COL19A1: variants seen among roughly 807,000 people sequenced by gnomAD.
COL19A1 encodes the protein collagen type XIX alpha 1 chain.
In COL19A1, 159 loss-of-function variants were observed where a neutral mutation model predicts 190.2. The ratio of observed to expected loss-of-function variants is 0.84; its 90% CI spans 0.73 to 0.95. The LOEUF is 0.95. COL19A1 is among the 40% of genes least tolerant of loss of function. COL19A1 has a pLI of 0.00. For missense variants in COL19A1, 1,418 were observed against 1,431.9 expected, an observed-to-expected ratio of 0.99 and a Z score of 0.16; for synonymous variants, 509 against 458.9, an observed-to-expected ratio of 1.11 and a Z score of -1.39.
rs1767452387 is a variant in COL19A1 at position 69,866,585 on chromosome 6, CCGCAGCCCTGTCCGGACTCCACTG to C, written c.-84_-61del. ...GCAGGGAGCTCACTCCTCGGCGGTG[CCGCAGCCCTGTCCGGACTCCACTG>C]CGCCTCTGAGGGGCTCAAATACGAA... On this transcript the variant is annotated 5_prime_UTR_variant, in exon 1 of 51. Transcript: ENST00000620364. 6.6e-6 allele frequency: 1 copy of C among 152,388 alleles called. No homozygotes were observed. The highest frequency in any genetic ancestry group is 1.5e-5 in the Non-Finnish European group (1 of 68,192). The allele number at this position is 152,388 out of a possible 1,614,324, so 9.4% of individuals were successfully genotyped here.
At chr6:70,103,790 C>T (rs572610008) in intron 16 of COL19A1, among the ~76,000 whole-genome samples, 1 of 152,284 alleles carries the variant, frequency 6.6e-6, no homozygotes, top group Admixed American at 6.5e-5. Flanking sequence ...TTACTTTGGA[C>T]TCTTATTTTC....
chr6:70,027,880 A>G (rs1236290000), intron 12 of COL19A1, among the ~76,000 whole-genome samples: 1 of 152,156 alleles, frequency 6.6e-6, no homozygotes, highest in Non-Finnish European at 1.5e-5. Flanking sequence ...TTAAAGCCAG[A>G]CTATCTGGGT....
intron 15 of COL19A1, among the ~76,000 whole-genome samples, chr6:70,077,543 T>A (rs1781950492): frequency 6.6e-6 from 1 of 152,158 alleles, no homozygotes; most frequent in African/African-American, 2.4e-5. Flanking sequence ...TATACATATA[T>A]GTATGTACAT....
chr6:70,109,980 C>T (rs541299193), intron 16 of COL19A1, among the ~76,000 whole-genome samples: 9 of 152,284 alleles, frequency 5.9e-5, no homozygotes, highest in African/African-American at 1.7e-4. Flanking sequence ...CCTTATCCAT[C>T]GCTGTTCTCA....
At chr6:70,024,626 T>G (rs1778632151) in intron 12 of COL19A1, among the ~76,000 whole-genome samples, 1 of 150,776 alleles carries the variant, frequency 6.6e-6, no homozygotes, top group Non-Finnish European at 1.5e-5. Flanking sequence ...GGTGTGTGGG[T>G]GTGTGTGTGT....
chr6:70,001,538 A>G (rs1472650896), intron 11 of COL19A1, among the ~76,000 whole-genome samples: 1 of 151,982 alleles, frequency 6.6e-6, no homozygotes, highest in Non-Finnish European at 1.5e-5. Flanking sequence ...GTTGTCTCTT[A>G]TTTCCTTAAG....
chr6:70,000,409 G>A (rs949067987), intron 11 of COL19A1, among the ~76,000 whole-genome samples: 1 of 152,118 alleles, frequency 6.6e-6, no homozygotes. Context: ...GGGTCAAGTG[G>A]TATTTCTTGT....
At chr6:70,118,031 G>C (rs553302118) in intron 16 of COL19A1, among the ~76,000 whole-genome samples, 2 of 151,306 alleles carry the variant, frequency 1.3e-5, no homozygotes, top group East Asian at 2.0e-4. Context: ...TCAGAGAAAG[G>C]GTTCTGTCAA....
At chr6:70,085,507 A>G (rs1315300881) in intron 15 of COL19A1, among the ~76,000 whole-genome samples, 1 of 152,180 alleles carries the variant, frequency 6.6e-6, no homozygotes, top group Non-Finnish European at 1.5e-5. Flanking sequence ...TTCTAATGAT[A>G]TTCTAGAACA....
intron 14 of COL19A1, among the ~76,000 whole-genome samples, chr6:70,044,420 C>T (rs778128035): frequency 2.0e-5 from 3 of 152,146 alleles, no homozygotes; most frequent in African/African-American, 7.2e-5. Flanking sequence ...ATTCACAACT[C>T]GGCTGTTTGG....
chr6:69,904,207 G>T (rs1445823798), intron 4 of COL19A1, among the ~76,000 whole-genome samples: 1 of 152,184 alleles, frequency 6.6e-6, no homozygotes, highest in African/African-American at 2.4e-5. Flanking sequence ...CAAATGGTCT[G>T]CTCTATACCC....
chr6:69,921,337 T>C (rs1333197909), intron 4 of COL19A1, among the ~76,000 whole-genome samples: 3 of 109,036 alleles, frequency 2.8e-5, no homozygotes, highest in African/African-American at 1.1e-4. Flanking sequence ...ATCATATATC[T>C]ATATATATCA....
chr6:70,097,119 T>C (rs561407320), intron 15 of COL19A1, among the ~76,000 whole-genome samples: 94 of 152,288 alleles, frequency 6.2e-4, no homozygotes, highest in African/African-American at 1.4e-3. Flanking sequence ...CTTCCCTTTT[T>C]AGTACTCCTA....
rs199891106 is a variant in COL19A1, at chr6:69,952,334, C to T, written c.937-7662C>T. Among the ~76,000 whole-genome samples the T allele has an allele frequency of 4.6e-5, 7 of 151,918 alleles. No homozygotes were observed. In the East Asian group the frequency reaches 5.8e-4, roughly 13 times the overall value. ...ATTCTTAATCTACCCTGCATGCCCACGTCCAGGCAGCTCAATCATGGGCAC... is the reference window on the plus strand; with the variant it reads ...ATTCTTAATCTACCCTGCATGCCCATGTCCAGGCAGCTCAATCATGGGCAC... On this transcript the variant is annotated intron_variant, in intron 9 of 50. Coordinates refer to ENST00000620364, the MANE Select transcript of COL19A1 (RefSeq NM_001858.6).
rs7349861 is a variant in COL19A1 at position 70,068,405 on chromosome 6, G to A, written c.1171-18G>A. On this transcript the variant is annotated intron_variant, in intron 14 of 50. Transcript: ENST00000620364. Reference sequence around the variant, plus strand: ...TACTTGAAACAGTGTATTAACATGTGTCTCTTTTTCCTCATAGGGTTCCCT... The same window carrying A: ...TACTTGAAACAGTGTATTAACATGTATCTCTTTTTCCTCATAGGGTTCCCT... 0.28 allele frequency: 426,041 copies of A among 1,496,118 alleles called. 66,893 individuals carry two copies. Among genetic ancestry groups the A allele is most frequent in the Non-Finnish European group, 0.32 (339,731 of 1,072,066 alleles). 92.7% of individuals were successfully genotyped at this position (1,496,118 alleles called of 1,614,324 possible).
intron 11 of COL19A1, among the ~76,000 whole-genome samples, chr6:69,980,372 C>T (rs910821490): frequency 2.6e-5 from 4 of 151,788 alleles, no homozygotes; most frequent in African/African-American, 4.8e-5. Context: ...AGTCTATCCA[C>T]GAAAAACTAT....
At position 70,066,562 on chromosome 6, in the gene COL19A1, C is replaced by T. The variant is rs564122728; in HGVS notation, c.1171-1861C>T. Among the ~76,000 whole-genome samples, 23 of 151,762 alleles carry T rather than the reference C, an allele frequency of 1.5e-4. No individual in the cohort carries two copies. In the East Asian group the frequency reaches 4.5e-3, roughly 29 times the overall value. Reference sequence around the variant, plus strand: ...TGTATACATATGTAACAAACCTGCACGTTGTGCACATGTACCCTAGAACTT... The same window carrying T: ...TGTATACATATGTAACAAACCTGCATGTTGTGCACATGTACCCTAGAACTT... On this transcript the variant is annotated intron_variant, in intron 14 of 50. Coordinates refer to ENST00000620364, the MANE Select transcript of COL19A1 (RefSeq NM_001858.6).
At position 69,879,317 on chromosome 6, in the gene COL19A1, ATAAC is replaced by A. The variant is rs1381333837; in HGVS notation, c.-32-212_-32-209del. Among the ~76,000 whole-genome samples the A allele has an allele frequency of 2.0e-5, 3 of 152,308 alleles. No individual in the cohort carries two copies. The South Asian group carries it at 6.2e-4, about 32-fold the overall frequency. ...CTGATAAGAAGCTGTATCAACATCA[ATAAC>A]TAACTAGAAACTAATCTGAAAATCT... On this transcript the variant is annotated intron_variant, in intron 1 of 50. Transcript: ENST00000620364.
intron 15 of COL19A1, among the ~76,000 whole-genome samples, chr6:70,075,131 A>G (rs1041295581): frequency 3.3e-5 from 5 of 152,184 alleles, no homozygotes; most frequent in Admixed American, 6.5e-5. Flanking sequence ...GAATGTCTCC[A>G]TGAGGATTAT....
Sources: gnomAD v4.1 joint callset for allele counts (sites outside exome capture counted in the v4.1 genomes callset) on GRCh38, gnomAD v4.1.1 for gene constraint, MANE v1.5 for transcripts, NCBI Gene and HGNC (gene_info 2026-07-23, HGNC 2026-07-21) for gene names.